The following CCSER1 variants were observed in gnomAD, a reference collection of about 807,000 sequenced individuals.
The protein encoded by CCSER1 is serine-rich coiled-coil domain-containing protein 1.
In CCSER1, 41 loss-of-function variants were observed where a neutral mutation model predicts 82.0. The observed-to-expected ratio is 0.50, with a 90% confidence interval of 0.39 to 0.65. The LOEUF (loss-of-function observed/expected upper bound fraction) is 0.65. Ranked by LOEUF, CCSER1 falls within the 30% of genes least tolerant of loss-of-function variation. CCSER1 has a pLI of 0.00. For missense variants in CCSER1, 1,119 were observed against 1,064.2 expected (o/e 1.05, Z -0.72); for synonymous variants, 414 against 383.9 (o/e 1.08, Z -0.92).
chr4:91,020,349 A>C (rs891276343), intron 9 of CCSER1, among the ~76,000 whole-genome samples: 1 of 152,164 alleles, frequency 6.6e-6, no homozygotes, highest in Non-Finnish European at 1.5e-5. Context: ...ACTTTAATAA[A>C]CATTGTGCCA....
intron 6 of CCSER1, among the ~76,000 whole-genome samples, chr4:90,629,623 A>G (rs1294098520): frequency 6.6e-6 from 1 of 152,166 alleles, no homozygotes; most frequent in Admixed American, 6.5e-5. Context: ...GGGTGGGGAC[A>G]CAGCCAAACC....
chr4:91,217,737 G>T (rs1195997152), intron 10 of CCSER1, among the ~76,000 whole-genome samples: 1 of 151,842 alleles, frequency 6.6e-6, no homozygotes, highest in Non-Finnish European at 1.5e-5. Context: ...CCCTGAGCTA[G>T]ACATAAAGGT....
chr4:90,889,403 A>T (rs1203456608), intron 8 of CCSER1, among the ~76,000 whole-genome samples: 1 of 152,132 alleles, frequency 6.6e-6, no homozygotes, highest in Admixed American at 6.6e-5. Flanking sequence ...CAAGTTAAGT[A>T]ATATTAGACA....
At chr4:91,596,219 A>T (rs1459802820) in intron 10 of CCSER1, among the ~76,000 whole-genome samples, 2 of 152,048 alleles carry the variant, frequency 1.3e-5, no homozygotes, top group Non-Finnish European at 2.9e-5. Flanking sequence ...AATTTAATAT[A>T]ATATGCCAGG....
chr4:91,271,348 AT>A (rs1340455696), intron 10 of CCSER1, among the ~76,000 whole-genome samples: 7 of 152,002 alleles, frequency 4.6e-5, no homozygotes, highest in African/African-American at 1.7e-4. Flanking sequence ...GATTTGTGAG[AT>A]TTTGGTGCAT....
chr4:91,353,101 G>A (rs963994671), intron 10 of CCSER1, among the ~76,000 whole-genome samples: 9 of 152,122 alleles, frequency 5.9e-5, no homozygotes, highest in African/African-American at 1.9e-4. Flanking sequence ...CAAATGCAAA[G>A]GACAATTTCA....
chr4:90,662,980 T>C (rs1731098989), intron 6 of CCSER1, among the ~76,000 whole-genome samples: 1 of 152,228 alleles, frequency 6.6e-6, no homozygotes, highest in African/African-American at 2.4e-5. Context: ...GGATGGAATA[T>C]TATTTCATAA....
At chr4:90,222,764 C>G (rs1421749910) in intron 1 of CCSER1, among the ~76,000 whole-genome samples, 2 of 152,068 alleles carry the variant, frequency 1.3e-5, no homozygotes, top group Admixed American at 6.6e-5. Flanking sequence ...AATACAAACT[C>G]TTTCTGATTT....
At chr4:91,108,512 A>C (rs1298146511) in intron 10 of CCSER1, among the ~76,000 whole-genome samples, 1 of 152,240 alleles carries the variant, frequency 6.6e-6, no homozygotes, top group African/African-American at 2.4e-5. Flanking sequence ...ACCATTGTCA[A>C]ACCAAATCAT....
At chr4:90,519,690 T>C (rs1772818904) in intron 5 of CCSER1, among the ~76,000 whole-genome samples, 1 of 152,002 alleles carries the variant, frequency 6.6e-6, no homozygotes, top group Non-Finnish European at 1.5e-5. Context: ...TTACTTTTGG[T>C]TTTGCCAGAA....
intron 10 of CCSER1, among the ~76,000 whole-genome samples, chr4:91,266,720 T>A (rs554711038): frequency 6.6e-6 from 1 of 152,298 alleles, no homozygotes; most frequent in East Asian, 1.9e-4. Context: ...CATATGGAAA[T>A]ATATTATTAA....
chr4:91,073,901 C>G (rs951935012), intron 9 of CCSER1, among the ~76,000 whole-genome samples: 1 of 152,044 alleles, frequency 6.6e-6, no homozygotes, highest in African/African-American at 2.4e-5. Flanking sequence ...ATATCCTCCT[C>G]CCGATAATCA....
At chr4:91,504,319 T>A (rs1449238138) in intron 10 of CCSER1, among the ~76,000 whole-genome samples, 1 of 152,170 alleles carries the variant, frequency 6.6e-6, no homozygotes, top group African/African-American at 2.4e-5. Flanking sequence ...CTAATTGTTT[T>A]CCCTAATCTG....
intron 5 of CCSER1, among the ~76,000 whole-genome samples, chr4:90,488,950 C>T (rs1466193963): frequency 6.6e-6 from 1 of 152,114 alleles, no homozygotes. Context: ...AGTCAGTTCA[C>T]TAGTGAATAT....
chr4:90,861,926 A>ATATTTTT (rs1486179354), intron 8 of CCSER1, among the ~76,000 whole-genome samples: 18 of 125,660 alleles, frequency 1.4e-4, no homozygotes, highest in Non-Finnish European at 2.4e-4. Context: ...ATATATATAT[A>ATATTTTT]TTTTTTTTTT....
At chr4:91,216,569 C>T (rs568838382) in intron 10 of CCSER1, among the ~76,000 whole-genome samples, 2 of 152,300 alleles carry the variant, frequency 1.3e-5, no homozygotes, top group East Asian at 1.9e-4. Flanking sequence ...ATCCACCCAT[C>T]TCGGCCTCCC....
chr4:90,901,192 G>A (rs1466465153), intron 8 of CCSER1, among the ~76,000 whole-genome samples: 1 of 151,718 alleles, frequency 6.6e-6, no homozygotes, highest in Admixed American at 6.6e-5. Context: ...TTTTGCATGA[G>A]ATATGTCTCT....
chr4:91,354,235 T>C (rs4495004), intron 10 of CCSER1, among the ~76,000 whole-genome samples: 3,008 of 152,316 alleles, frequency 0.02, 92 homozygotes, highest in African/African-American at 0.067. Flanking sequence ...TTGTATGATT[T>C]TTTCAGGGGA....
At chr4:91,098,950 A>T (rs1724786106) in intron 10 of CCSER1, among the ~76,000 whole-genome samples, 1 of 152,258 alleles carries the variant, frequency 6.6e-6, no homozygotes, top group African/African-American at 2.4e-5. Flanking sequence ...AGCAAAAATC[A>T]TTAAGCACTA....
Sources: gnomAD v4.1 joint callset for allele counts (sites outside exome capture counted in the v4.1 genomes callset) on GRCh38, gnomAD v4.1.1 for gene constraint, MANE v1.5 for transcripts, NCBI Gene and HGNC (gene_info 2026-07-23, HGNC 2026-07-21) for gene names.